The following CSMD2 variants were observed in gnomAD, a reference collection of about 807,000 sequenced individuals.
The protein encoded by CSMD2 is CUB and sushi domain-containing protein 2.
A neutral mutation model predicts 398.5 loss-of-function variants in CSMD2; 130 were observed. The ratio of observed to expected loss-of-function variants is 0.33; its 90% CI spans 0.28 to 0.38. The LOEUF (loss-of-function observed/expected upper bound fraction) is 0.38. Ranked by LOEUF, CSMD2 falls within the 10% of genes least tolerant of loss-of-function variation. The pLI, the probability that CSMD2 is intolerant of heterozygous loss-of-function variation, is 1.00. For synonymous variants in CSMD2, 1,828 were observed against 1,908.5 expected, an observed-to-expected ratio of 0.96 and a Z score of 1.10; for missense variants, 3,829 against 4,764.9, an observed-to-expected ratio of 0.80 and a Z score of 5.78.
In CSMD2 at chr1:33,588,383, G is replaced by T. The variant is rs539696161; in HGVS notation, c.6857-1215C>A. 4.0e-5 allele frequency among the ~76,000 whole-genome samples: 6 copies of T among 151,830 alleles called. No homozygotes were observed. The East Asian group carries it at 5.8e-4, about 15-fold the overall frequency. On this transcript the variant is annotated intron_variant, in intron 44 of 70. Transcript: ENST00000373381. ...CTTTTTTTATATATGCATCTTTTAC[G>T]TTTTTTTCTTTTTCTTTTTTAACTA...
chr1:33,855,404 G>A (rs1354449718), intron 5 of CSMD2, among the ~76,000 whole-genome samples: 2 of 152,144 alleles, frequency 1.3e-5, no homozygotes, highest in Non-Finnish European at 2.9e-5. Flanking sequence ...ATGGAGAGAA[G>A]GGCTGAGTAC....
chr1:34,000,969 GGA>G (rs1206692380), intron 3 of CSMD2, among the ~76,000 whole-genome samples: 3 of 151,036 alleles, frequency 2.0e-5, no homozygotes, highest in Non-Finnish European at 4.4e-5. Flanking sequence ...AGTAGAAAGA[GGA>G]GGAGGAAGGA....
At chr1:34,145,302 G>A (rs1017743940) in intron 1 of CSMD2, among the ~76,000 whole-genome samples, 5 of 152,186 alleles carry the variant, frequency 3.3e-5, no homozygotes, top group African/African-American at 9.7e-5. Flanking sequence ...AAGGAAAGTC[G>A]AGGCCATAAG....
At chr1:33,908,115 A>T (rs1251637554) in intron 5 of CSMD2, among the ~76,000 whole-genome samples, 1 of 151,138 alleles carries the variant, frequency 6.6e-6, no homozygotes, top group South Asian at 2.1e-4. Context: ...AAAGAAAAGT[A>T]AAAAAGAAAA....
intron 1 of CSMD2, among the ~76,000 whole-genome samples, chr1:34,160,990 G>C (rs1165231826): frequency 2.0e-5 from 3 of 152,150 alleles, no homozygotes; most frequent in Non-Finnish European, 2.9e-5. Flanking sequence ...GTTAGTAAGG[G>C]AGTGGAAGGC....
intron 4 of CSMD2, among the ~76,000 whole-genome samples, chr1:33,932,600 G>A (rs933423237): frequency 2.6e-5 from 4 of 152,110 alleles, no homozygotes; most frequent in African/African-American, 4.8e-5. Context: ...CTTGCTGCCC[G>A]CTGTGCCTGG....
intron 25 of CSMD2, among the ~76,000 whole-genome samples, chr1:33,686,635 C>T (rs1645069701): frequency 6.6e-6 from 1 of 152,204 alleles, no homozygotes; most frequent in Non-Finnish European, 1.5e-5. Flanking sequence ...GGGAAGGGAC[C>T]ATCCTTGCCC....
chr1:33,686,855 C>G (rs1456612140), intron 25 of CSMD2, among the ~76,000 whole-genome samples: 1 of 152,202 alleles, frequency 6.6e-6, no homozygotes, highest in African/African-American at 2.4e-5. Flanking sequence ...CACCTGAGAT[C>G]CTTTAGGGGT....
chr1:34,029,467 C>T (rs1359120419), intron 3 of CSMD2, among the ~76,000 whole-genome samples: 3 of 152,314 alleles, frequency 2.0e-5, no homozygotes, highest in Non-Finnish European at 4.4e-5. Context: ...GGTATGCTCA[C>T]AGCTGTGGCT....
intron 3 of CSMD2, among the ~76,000 whole-genome samples, chr1:33,984,161 CAAAA>C (rs5773446): frequency 6.8e-6 from 1 of 146,188 alleles, no homozygotes. Context: ...CTCCCCCCAC[CAAAA>C]AAAAAAAAGG....
intron 3 of CSMD2, among the ~76,000 whole-genome samples, chr1:34,004,363 C>T (rs950195139): frequency 4.6e-5 from 7 of 152,194 alleles, no homozygotes; most frequent in Non-Finnish European, 1.0e-4. Context: ...TTCTCTCATA[C>T]AGAAAAATCA....
chr1:33,590,076 T>C (rs1639326336), intron 44 of CSMD2, among the ~76,000 whole-genome samples: 1 of 151,934 alleles, frequency 6.6e-6, no homozygotes, highest in South Asian at 2.1e-4. Flanking sequence ...GGGTACTTTA[T>C]ATTTTGTGAT....
intron 3 of CSMD2, among the ~76,000 whole-genome samples, chr1:34,021,393 A>G (rs1363628689): frequency 1.3e-5 from 2 of 152,228 alleles, no homozygotes; most frequent in Non-Finnish European, 2.9e-5. Flanking sequence ...CTACCAGAGC[A>G]GCAGTTGAAG....
intron 2 of CSMD2, among the ~76,000 whole-genome samples, chr1:34,068,998 C>A (rs777333832): frequency 6.6e-6 from 1 of 152,136 alleles, no homozygotes; most frequent in African/African-American, 2.4e-5. Context: ...TTAGGTATGT[C>A]TTTATCAGCA....
chr1:33,871,916 C>A (rs2125147142), intron 5 of CSMD2, among the ~76,000 whole-genome samples: 1 of 152,274 alleles, frequency 6.6e-6, no homozygotes, highest in South Asian at 2.1e-4. Flanking sequence ...TCTTCCTGTT[C>A]TTATAAAGCC....
At chr1:33,566,599 C>T (rs1659081616) in intron 53 of CSMD2, among the ~76,000 whole-genome samples, 1 of 152,100 alleles carries the variant, frequency 6.6e-6, no homozygotes, top group Non-Finnish European at 1.5e-5. Context: ...ATAGAATGGT[C>T]AAAGGTGCAT....
intron 29 of CSMD2, among the ~76,000 whole-genome samples, chr1:33,638,020 C>T (rs1402228044): frequency 6.6e-6 from 1 of 152,176 alleles, no homozygotes; most frequent in African/African-American, 2.4e-5. Flanking sequence ...GAGAGTCTCA[C>T]TATTGCACAG....
At chr1:33,839,279 T>G (rs996866571) in intron 6 of CSMD2, 1 of 152,252 alleles carries the variant, frequency 6.6e-6, no homozygotes, top group Non-Finnish European at 1.5e-5. Context: ...ACTGAAAGTC[T>G]TTGGTCATAA....
At chr1:33,853,804 GTGAA>G (rs1332739321) in intron 5 of CSMD2, among the ~76,000 whole-genome samples, 4 of 152,194 alleles carry the variant, frequency 2.6e-5, no homozygotes, top group African/African-American at 9.7e-5. Flanking sequence ...GGACATGTTT[GTGAA>G]TGAATGAATA....
Sources: allele counts gnomAD v4.1 joint callset (sites outside exome capture counted in the v4.1 genomes callset), GRCh38; gene constraint gnomAD v4.1.1; transcripts MANE v1.5; gene names NCBI Gene and HGNC (gene_info 2026-07-23, HGNC 2026-07-21).